NRXN3: variants seen among roughly 807,000 people sequenced by gnomAD.
NRXN3 encodes the protein neurexin III.
In NRXN3, 32 loss-of-function variants were observed where a neutral mutation model predicts 137.6. That is an observed-to-expected ratio of 0.23 (90% CI 0.18 to 0.31). NRXN3 has a LOEUF of 0.31. NRXN3 is among the 10% of genes least tolerant of loss of function. The pLI, the probability that NRXN3 is intolerant of heterozygous loss-of-function variation, is 1.00. For missense variants in NRXN3, 1,574 were observed against 2,062.5 expected (o/e 0.76, Z 4.59); for synonymous variants, 798 against 784.5 (o/e 1.02, Z -0.29).
In NRXN3 at chr14:78,651,281, G is replaced by C. The variant is rs368991321; in HGVS notation, c.1176G>C (p.Leu392Phe). The C allele has an allele frequency of 3.1e-6, 5 of 1,614,064 alleles. No individual in the cohort carries two copies. Among genetic ancestry groups the C allele is most frequent in the Non-Finnish European group, 4.2e-6 (5 of 1,179,972 alleles). ...YVGGSPSTADLPGSPVSNNFM... is the reference protein window; with the variant it reads ...YVGGSPSTADFPGSPVSNNFM... ...GAGGAAGCCCAAGTACCGCTGACTT[G>C]CCTGGCTCCCCTGTCAGCAACAACT... Residue 392 changes from leucine (L) to phenylalanine (F), a missense_variant, in exon 6 of 21, where the codon TTG becomes TTC. Physicochemically the swap from Leu to Phe is conservative, Grantham distance 22 (BLOSUM62 0). This residue lies in a region of NRXN3 where 400 missense variants were observed against 527.3 expected (regional missense o/e 0.76). Coordinates refer to ENST00000335750, the MANE Select transcript of NRXN3 (RefSeq NM_001330195.2).
intron 10 of NRXN3, among the ~76,000 whole-genome samples, chr14:78,925,693 G>A (rs777034509): frequency 1.3e-5 from 2 of 152,112 alleles, no homozygotes; most frequent in South Asian, 2.1e-4. Flanking sequence ...GAAAGGGGCC[G>A]AACCAATGAG....
At chr14:79,341,983 T>C (rs570388106) in intron 15 of NRXN3, among the ~76,000 whole-genome samples, 1 of 152,312 alleles carries the variant, frequency 6.6e-6, no homozygotes, top group East Asian at 1.9e-4. Flanking sequence ...CTCCCCATTG[T>C]TTGGAACCCT....
At chr14:79,095,883 C>T (rs1391519733) in intron 15 of NRXN3, among the ~76,000 whole-genome samples, 3 of 152,000 alleles carry the variant, frequency 2.0e-5, no homozygotes, top group Admixed American at 6.6e-5. Flanking sequence ...TACTGGAAAC[C>T]TATATATGAG....
At chr14:79,358,641 G>GAA (rs1315933079) in intron 15 of NRXN3, among the ~76,000 whole-genome samples, 1 of 150,666 alleles carries the variant, frequency 6.6e-6, no homozygotes. Context: ...AAGAAAGAAA[G>GAA]AAAGAAAGAA....
chr14:79,238,303 C>CATG (rs112347060), intron 15 of NRXN3, among the ~76,000 whole-genome samples: 136,967 of 151,940 alleles, frequency 0.9, 62,842 homozygotes, highest in Non-Finnish European at 0.98. Flanking sequence ...AGATTAGTTA[C>CATG]ATGCCCACAA....
In NRXN3 at chr14:78,576,314, A is replaced by G. The variant is rs144966396; in HGVS notation, c.758-68806A>G. Among the ~76,000 whole-genome samples the G allele has an allele frequency of 4.0e-3, 604 of 152,056 alleles. 4 individuals are homozygous for G. Among genetic ancestry groups the G allele is most frequent in the African/African-American group, 0.014 (567 of 41,460 alleles). ...ATTTATCCATCTCAGTTCTTCCTTC[A>G]CCTTTCATGAACAACACCAGTGGTT... On this transcript the variant is annotated intron_variant, in intron 4 of 20. Coordinates refer to ENST00000335750, the MANE Select transcript of NRXN3 (RefSeq NM_001330195.2).
chr14:78,787,531 C>T (rs2098792717), intron 8 of NRXN3, among the ~76,000 whole-genome samples: 2 of 152,106 alleles, frequency 1.3e-5, no homozygotes, highest in Admixed American at 6.6e-5. Flanking sequence ...CAGATCTATA[C>T]CCACAGTCAA....
chr14:79,770,175 G>T (rs965981665), intron 19 of NRXN3, among the ~76,000 whole-genome samples: 3 of 151,928 alleles, frequency 2.0e-5, no homozygotes, highest in African/African-American at 7.3e-5. Context: ...ATTAATAATG[G>T]GAGATTTTAA....
intron 15 of NRXN3, among the ~76,000 whole-genome samples, chr14:79,032,681 TTTAG>T (rs2099610004): frequency 6.6e-6 from 1 of 152,214 alleles, no homozygotes; most frequent in East Asian, 1.9e-4. Flanking sequence ...CTTGCAGCTA[TTTAG>T]TTAGTTCTTC....
chr14:78,440,708 T>A (rs2094215635), intron 4 of NRXN3, among the ~76,000 whole-genome samples: 1 of 151,938 alleles, frequency 6.6e-6, no homozygotes, highest in African/African-American at 2.4e-5. Context: ...AAATCAGGCC[T>A]GTCCAGAAGC....
At chr14:78,960,456 T>G (rs938127192) in intron 11 of NRXN3, among the ~76,000 whole-genome samples, 2 of 152,194 alleles carry the variant, frequency 1.3e-5, no homozygotes, top group Non-Finnish European at 2.9e-5. Context: ...AGCTAGTTTA[T>G]AGAAATGATG....
At position 78,351,782 on chromosome 14, in the gene NRXN3, C is replaced by CTTT. The variant is rs11423743; in HGVS notation, c.757+53936_757+53938dup. Among the ~76,000 whole-genome samples the CTTT allele has an allele frequency of 5.6e-3, 713 of 127,846 alleles. 8 individuals carry two copies. The highest frequency in any genetic ancestry group is 7.2e-3 in the Non-Finnish European group (438 of 61,134). The allele number at this position is 127,846 out of a possible 152,430, so 83.9% of individuals were successfully genotyped here. On this transcript the variant is annotated intron_variant, in intron 4 of 20. Coordinates refer to ENST00000335750, the MANE Select transcript of NRXN3 (RefSeq NM_001330195.2). ...TGTCATTTAACTTTTTGGTATTTTTCTTTTTTTTTTTTTTTTGCCAAAAAG... is the reference window on the plus strand; with the variant it reads ...TGTCATTTAACTTTTTGGTATTTTTCTTTTTTTTTTTTTTTTTTTGCCAAAAAG...
chr14:79,179,703 T>C, intron 15 of NRXN3, among the ~76,000 whole-genome samples: 1 of 152,198 alleles, frequency 6.6e-6, no homozygotes, highest in East Asian at 1.9e-4. Context: ...CCCACATAAT[T>C]TGGTGTCTGC....
At chr14:79,801,615 T>C (rs957051422) in intron 19 of NRXN3, among the ~76,000 whole-genome samples, 1 of 152,196 alleles carries the variant, frequency 6.6e-6, no homozygotes, top group Admixed American at 6.5e-5. Context: ...ACAGTTGTGC[T>C]ATGTCTAGGG....
chr14:79,309,876 G>T (rs1374383262), intron 15 of NRXN3, among the ~76,000 whole-genome samples: 2 of 119,144 alleles, frequency 1.7e-5, no homozygotes, highest in Non-Finnish European at 1.6e-5. Flanking sequence ...CTCCCATGTT[G>T]TAGGTTGCCT....
chr14:78,780,594 T>C (rs1348155501), intron 8 of NRXN3, among the ~76,000 whole-genome samples: 1 of 151,990 alleles, frequency 6.6e-6, no homozygotes, highest in African/African-American at 2.4e-5. Flanking sequence ...ACCCCCTACA[T>C]GTGATCAAGA....
chr14:78,680,406 T>C (rs965568334), intron 6 of NRXN3, among the ~76,000 whole-genome samples: 28 of 152,206 alleles, frequency 1.8e-4, no homozygotes, highest in Admixed American at 1.8e-3. Context: ...GCACCTTTTC[T>C]ATTTATTACT....
At chr14:78,580,810 G>C (rs561693948) in intron 4 of NRXN3, among the ~76,000 whole-genome samples, 4 of 152,206 alleles carry the variant, frequency 2.6e-5, no homozygotes, top group Non-Finnish European at 5.9e-5. Context: ...TTTGGGGCCA[G>C]GCCAGGACTG....
At chr14:79,808,240 T>TAAAAA (rs35474581) in intron 20 of NRXN3, among the ~76,000 whole-genome samples, 2 of 124,210 alleles carry the variant, frequency 1.6e-5, no homozygotes, top group South Asian at 2.9e-4. Flanking sequence ...CTCTCTCAAT[T>TAAAAA]AAAAAAAAAA....
Sources: allele counts gnomAD v4.1 joint callset (sites outside exome capture counted in the v4.1 genomes callset), GRCh38; gene constraint gnomAD v4.1.1; regional missense constraint gnomAD v4.1.1; transcripts MANE v1.5; gene names NCBI Gene and HGNC (gene_info 2026-07-23, HGNC 2026-07-21).